TNRC6B: variants seen among roughly 807,000 people sequenced by gnomAD.
TNRC6B encodes the protein trinucleotide repeat-containing gene 6B protein.
Under a neutral mutation model 203.6 loss-of-function variants are expected in TNRC6B, and 52 were observed. The ratio of observed to expected loss-of-function variants is 0.26; its 90% CI spans 0.20 to 0.32. The LOEUF is 0.32. Ranked by LOEUF, TNRC6B falls within the 10% of genes least tolerant of loss-of-function variation. The probability of loss-of-function intolerance (pLI) is 1.00; values close to 1 mark genes in which losing one functional copy is unlikely to be tolerated. For synonymous variants in TNRC6B, 838 were observed against 845.7 expected (o/e 0.99, Z 0.16); for missense variants, 1,923 against 2,286.2 (o/e 0.84, Z 3.24).
chr22:40,278,416 G>C (rs2070680262), intron 9 of TNRC6B, among the ~76,000 whole-genome samples: 1 of 152,004 alleles, frequency 6.6e-6, no homozygotes, highest in African/African-American at 2.4e-5. Flanking sequence ...AAATTAGCTG[G>C]GCATGGTGTG....
intron 6 of TNRC6B, among the ~76,000 whole-genome samples, chr22:40,273,069 G>A (rs1372754265): frequency 2.6e-5 from 4 of 152,124 alleles, no homozygotes; most frequent in Non-Finnish European, 5.9e-5. Flanking sequence ...AGTAAACCAT[G>A]TTCATTAAGA....
chr22:40,111,886 A>G (rs2068338514), intron 1 of TNRC6B, among the ~76,000 whole-genome samples: 1 of 152,186 alleles, frequency 6.6e-6, no homozygotes, highest in Non-Finnish European at 1.5e-5. Flanking sequence ...GTGGATCACG[A>G]GGTCAGGAGT....
upstream of TNRC6B, among the ~76,000 whole-genome samples, chr22:40,176,085 A>G (rs1026573129): frequency 6.6e-6 from 1 of 150,396 alleles, no homozygotes; most frequent in African/African-American, 2.5e-5. Context: ...GCTTATAGAG[A>G]TAGGTGGAGT....
upstream of TNRC6B, among the ~76,000 whole-genome samples, chr22:40,173,950 G>A (rs578079334): frequency 3.1e-4 from 46 of 150,434 alleles, no homozygotes; most frequent in African/African-American, 1.1e-3. Flanking sequence ...ATTACCAGCA[G>A]GTACCACCAT....
chr22:40,106,883 T>C (rs954725341), intron 1 of TNRC6B: 2 of 973,738 alleles, frequency 2.1e-6, no homozygotes, highest in Non-Finnish European at 1.6e-6. Flanking sequence ...CATCTGCCTA[T>C]GTTCCTTGTG....
At chr22:40,300,886 C>A (rs1330086445) in intron 13 of TNRC6B, 24 bp from the exon 14 acceptor site, 1 of 1,608,108 alleles carries the variant, frequency 6.2e-7, no homozygotes, top group Admixed American at 1.7e-5. Flanking sequence ...CTTTGGTTTT[C>A]TGTCTTTCCC....
intron 3 of TNRC6B, among the ~76,000 whole-genome samples, chr22:40,151,644 GA>G (rs2068756529): frequency 6.6e-6 from 1 of 151,408 alleles, no homozygotes; most frequent in Non-Finnish European, 1.5e-5. Context: ...CAGGAGACTG[GA>G]AAAAGGAATA....
chr22:40,207,418 A>AAATAT (rs1475466762), intron 1 of TNRC6B, among the ~76,000 whole-genome samples: 5 of 128,880 alleles, frequency 3.9e-5, no homozygotes, highest in Non-Finnish European at 6.4e-5. Flanking sequence ...AAAAAAAAAA[A>AAATAT]ATATATATAT....
At chr22:40,062,205 T>G (rs1261370066) in intron 1 of TNRC6B, among the ~76,000 whole-genome samples, 1 of 152,200 alleles carries the variant, frequency 6.6e-6, no homozygotes. Flanking sequence ...TTTTACTTTA[T>G]TTATTTATTT....
At chr22:40,110,087 G>T (rs921464340) in intron 1 of TNRC6B, among the ~76,000 whole-genome samples, 4 of 152,056 alleles carry the variant, frequency 2.6e-5, no homozygotes, top group Non-Finnish European at 4.4e-5. Context: ...AAGAACAAAG[G>T]TTTTTCTTTA....
chr22:40,065,828 G>T (rs964101475), intron 1 of TNRC6B, among the ~76,000 whole-genome samples: 1 of 152,092 alleles, frequency 6.6e-6, no homozygotes, highest in African/African-American at 2.4e-5. Context: ...AGTGCCCCAC[G>T]AATGATGGTT....
intron 6 of TNRC6B, among the ~76,000 whole-genome samples, chr22:40,270,523 T>A (rs989496756): frequency 2.0e-5 from 3 of 152,098 alleles, no homozygotes; most frequent in Non-Finnish European, 4.4e-5. Flanking sequence ...TTTCTCCATG[T>A]TGGTCAGGCT....
intron 1 of TNRC6B, chr22:40,045,728 C>T (rs2067682153): frequency 6.6e-6 from 1 of 152,262 alleles, no homozygotes; most frequent in Admixed American, 6.5e-5. Flanking sequence ...CAGTTCCAGA[C>T]TACCGGTTTA....
intron 3 of TNRC6B, among the ~76,000 whole-genome samples, chr22:40,127,258 G>A (rs1312863315): frequency 1.3e-5 from 2 of 152,108 alleles, no homozygotes; most frequent in Non-Finnish European, 2.9e-5. Context: ...CCCCTCTGCG[G>A]GGCTATGATC....
intron 7 of TNRC6B, 131 bp downstream of exon 7, chr22:40,273,731 C>CA (rs2070598240): frequency 2.0e-6 from 2 of 1,008,592 alleles, no homozygotes; most frequent in East Asian, 2.7e-5. Flanking sequence ...GTGGGACAGT[C>CA]ACGACTCGCT....
At chr22:40,072,956 TGCTTGTCATAATGAG>T (rs1191117186) in intron 1 of TNRC6B, among the ~76,000 whole-genome samples, 1 of 151,692 alleles carries the variant, frequency 6.6e-6, no homozygotes, top group African/African-American at 2.4e-5. Context: ...AAATCACTTT[TGCTTGTCATAATGAG>T]GCTATAAGAT....
intron 4 of TNRC6B, among the ~76,000 whole-genome samples, chr22:40,170,825 G>GTACATATATGTGTGTGTA (rs2068982219): frequency 4.4e-5 from 1 of 22,960 alleles, no homozygotes; most frequent in Non-Finnish European, 7.2e-5. Context: ...ATATGTGTGT[G>GTACATATATGTGTGTGTA]TATATACATA....
At chr22:40,276,332 GAAAAA>G (rs368624697) in intron 7 of TNRC6B, among the ~76,000 whole-genome samples, 1 of 118,178 alleles carries the variant, frequency 8.5e-6, no homozygotes, top group Non-Finnish European at 1.8e-5. Flanking sequence ...GGGTGACAGA[GAAAAA>G]AAAAAAAAAA....
chr22:40,064,103 CCTGAAAACTTG>C (rs2067876252), intron 1 of TNRC6B, among the ~76,000 whole-genome samples: 1 of 152,122 alleles, frequency 6.6e-6, no homozygotes, highest in Non-Finnish European at 1.5e-5. Context: ...AATCTTGTAT[CCTGAAAACTTG>C]CTGAACTCAT....
Sources: gnomAD v4.1 joint callset for allele counts (sites outside exome capture counted in the v4.1 genomes callset) on GRCh38, gnomAD v4.1.1 for gene constraint, MANE v1.5 for transcripts, NCBI Gene and HGNC (gene_info 2026-07-23, HGNC 2026-07-21) for gene names.